The following MAPK15 variants were observed in gnomAD, a reference collection of about 807,000 sequenced individuals.
The protein encoded by MAPK15 is ERK-7.
In MAPK15, 61 loss-of-function variants were observed where a neutral mutation model predicts 60.8. The observed-to-expected ratio is 1.00, with a 90% CI of 0.82 to 1.24. The LOEUF is 1.24. Among genes scored for constraint, MAPK15 ranks in the 50% most tolerant of loss-of-function variants. The pLI is 0.00. For missense variants in MAPK15, 808 were observed against 741.1 expected, an observed-to-expected ratio of 1.09 and a Z score of -1.05; for synonymous variants, 356 against 319.9, an observed-to-expected ratio of 1.11 and a Z score of -1.21.
At position 143,720,952 on chromosome 8, in the gene MAPK15, G is replaced by A; in HGVS notation, c.918-48G>A. 6.3e-7 allele frequency: 1 copy of A among 1,581,794 alleles called. No homozygotes were observed. Among genetic ancestry groups the A allele is most frequent in the Non-Finnish European group, 8.6e-7 (1 of 1,163,286 alleles). Reference sequence around the variant, plus strand: ...AGGGACCCTGCTGTGACGGCTTGAGGGGCTCCCTTGGCCGCAGCCCGGGCC... The same window carrying A: ...AGGGACCCTGCTGTGACGGCTTGAGAGGCTCCCTTGGCCGCAGCCCGGGCC... On this transcript the variant is annotated intron_variant, in intron 9 of 13. Coordinates refer to ENST00000338033, the MANE Select transcript of MAPK15 (RefSeq NM_139021.3). The surrounding 1 kb of genome is among the most constrained non-coding windows in gnomAD (Gnocchi z 4.6).
At position 143,717,638 on chromosome 8, in the gene MAPK15, G is replaced by C; in HGVS notation, c.67-56G>C. ...GCCTCATGTCTGTAGGGACAATCTG[G>C]GTGGGCAGGGGATGGGGGGAAGGGG... On this transcript the variant is annotated intron_variant, in intron 1 of 13. Coordinates refer to ENST00000338033, the MANE Select transcript of MAPK15 (RefSeq NM_139021.3). 3 of 1,420,380 alleles carry C rather than the reference G, an allele frequency of 2.1e-6. 1 individual carries two copies. In the South Asian group the frequency reaches 3.7e-5, roughly 17 times the overall value. 88.0% of individuals were successfully genotyped at this position (1,420,380 alleles called of 1,614,324 possible). A position where few individuals can be genotyped will look rare whatever the true frequency, so the allele number is the denominator to read the frequency against.
Position 143,720,081 on chromosome 8 carries a change from G to A in MAPK15, c.722-149G>A. On this transcript the variant is annotated intron_variant, in intron 7 of 13. Coordinates refer to ENST00000338033, the MANE Select transcript of MAPK15 (RefSeq NM_139021.3). This position sits in a 1 kb window ranked among gnomAD's most constrained non-coding sequence, Gnocchi z 4.6. ...TGCACAGGCTGGGTGGCACGCCCTG[G>A]TGATGGGGTGTTTGAGCCCCGCCAG... is the stretch of plus-strand genomic sequence containing the variant. 8.5e-7 allele frequency: 1 copy of A among 1,171,840 alleles called. No individual in the cohort carries two copies. The allele number at this position is 1,171,840 out of a possible 1,614,324, so 72.6% of individuals were successfully genotyped here. A position where few individuals can be genotyped will look rare whatever the true frequency, so the allele number is the denominator to read the frequency against.
intron 7 of MAPK15, 89 bp downstream of exon 7, chr8:143,719,571 GT>G: frequency 6.7e-7 from 1 of 1,482,062 alleles, no homozygotes; most frequent in East Asian, 2.4e-5. Context: ...GGCTAGGACT[GT>G]GCTGAGAGGA....
intron 13 of MAPK15, 70 bp downstream of exon 13, chr8:143,721,950 C>T: frequency 2.6e-6 from 4 of 1,512,464 alleles, no homozygotes; most frequent in East Asian, 2.3e-5. Context: ...CCTGCTTTTC[C>T]CTCCCTTCCC....
At chr8:143,718,727 G>GGGCCCCCCCCCCCCCCC in intron 4 of MAPK15, 48 bp from the exon 5 acceptor site, 3 of 514,508 alleles carry the variant, frequency 5.8e-6, no homozygotes, top group East Asian at 3.3e-5. Context: ...CCCCCAGGTT[G>GGGCCCCCCCCCCCCCCC]CCCCCCCAGC....
intron 13 of MAPK15, 60 bp downstream of exon 13, chr8:143,721,940 C>G (rs1391482586): frequency 3.9e-6 from 6 of 1,520,086 alleles, no homozygotes; most frequent in South Asian, 3.8e-5. Flanking sequence ...CCCCTTCCCC[C>G]CTGCTTTTCC....
At position 143,721,834 on chromosome 8, in the gene MAPK15, G is replaced by A; in HGVS notation, c.1412G>A (p.Gly471Asp). ...AQVANQALIR[G>D]DWNRGGGVRV... ...GTGGCCAACCAGGCCCTGATCCGGG[G>A]TGACTGGAACCGGGGCGGTGGGGTG... The change falls in exon 13 of 14, where the codon GGT becomes GAT. Residue 471 changes from glycine to aspartate, a missense_variant. By Grantham distance (94) the Gly-to-Asp change is moderately conservative. Coordinates refer to ENST00000338033, the MANE Select transcript of MAPK15 (RefSeq NM_139021.3). 1.2e-6 allele frequency: 2 copies of A among 1,610,506 alleles called. No individual in the cohort carries two copies. The highest frequency in any genetic ancestry group is 1.7e-6 in the Non-Finnish European group (2 of 1,178,606).
In MAPK15 at chr8:143,720,732, C is replaced by T. The variant is rs782408799; in HGVS notation, c.809C>T (p.Pro270Leu). ...CGACAGACGCTGGATGCCCTCCTACCGCCAGACACCTCCCCAGAGGCCTTG... is the reference window on the plus strand; with the variant it reads ...CGACAGACGCTGGATGCCCTCCTACTGCCAGACACCTCCCCAGAGGCCTTG... ...RPRQTLDALL[P>L]PDTSPEALDL... Residue 270 changes from proline (P) to leucine (L), a missense_variant, in exon 9 of 14, where the codon CCG becomes CTG. Coordinates refer to ENST00000338033, the MANE Select transcript of MAPK15 (RefSeq NM_139021.3). This position sits in a 1 kb window ranked among gnomAD's most constrained non-coding sequence, Gnocchi z 4.6. The T allele has an allele frequency of 1.8e-5, 29 of 1,613,116 alleles. No individual in the cohort carries two copies. The Middle Eastern group carries it at 5.0e-4, about 28-fold the overall frequency.
Position 143,722,145 on chromosome 8 carries a change from C to T in MAPK15, c.1529C>T (p.Ala510Val). The T allele has an allele frequency of 6.2e-7, 1 of 1,611,682 alleles. No homozygotes were observed. Among genetic ancestry groups the T allele is most frequent in the South Asian group, 1.1e-5 (1 of 90,968 alleles). ...RMFSTSALQGAQGGARALLGG... is the reference protein window; with the variant it reads ...RMFSTSALQGVQGGARALLGG... ...TTCAGCACCTCTGCCTTGCAGGGTG[C>T]CCAGGGGGGTGCCAGGGCTTTGCTT... is the stretch of plus-strand genomic sequence containing the variant. The change falls in exon 14 of 14, where the codon GCC becomes GTC. Residue 510 changes from alanine (A) to valine (V), a missense_variant. By Grantham distance (64) the Ala-to-Val change is moderately conservative (BLOSUM62 0). Coordinates refer to ENST00000338033, the MANE Select transcript of MAPK15 (RefSeq NM_139021.3).
At position 143,720,529 on chromosome 8, in the gene MAPK15, G is replaced by A; in HGVS notation, c.780-174G>A. On this transcript the variant is annotated intron_variant, in intron 8 of 13. Transcript: ENST00000338033. This position sits in a 1 kb window ranked among gnomAD's most constrained non-coding sequence, Gnocchi z 4.6. ...AGAGGAGGGCACCAGGGGGCCGCAG[G>A]GGTCTCTCCACCCTGCAGGGGCCCA... 2.1e-6 allele frequency: 3 copies of A among 1,455,372 alleles called. No individual in the cohort carries two copies. The highest frequency in any genetic ancestry group is 2.7e-6 in the Non-Finnish European group (3 of 1,100,922). The allele number at this position is 1,455,372 out of a possible 1,614,324, so 90.2% of individuals were successfully genotyped here. A position where few individuals can be genotyped will look rare whatever the true frequency, so the allele number is the denominator to read the frequency against.
intron 6 of MAPK15, 46 bp downstream of exon 6, chr8:143,719,202 C>A: frequency 6.7e-7 from 1 of 1,501,662 alleles, no homozygotes; most frequent in South Asian, 1.3e-5. Context: ...CCCTGCTGCC[C>A]TCCTGCCCAG....
In MAPK15 at chr8:143,720,192, C is replaced by A; in HGVS notation, c.722-38C>A. The A allele has an allele frequency of 6.5e-7, 1 of 1,549,282 alleles. No individual in the cohort carries two copies. ...GATGCCCTGAGCCGCCCCAGCCGAC[C>A]AGGCCTGCCTGGGTCACACCACCTT... On this transcript the variant is annotated intron_variant, in intron 7 of 13. Transcript: ENST00000338033. The surrounding 1 kb of genome is among the most constrained non-coding windows in gnomAD (Gnocchi z 4.6).
rs1238996232 is a variant in MAPK15 at position 143,722,390 on chromosome 8, C to CG, written c.*144dup. 1.6e-4 allele frequency: 112 copies of CG among 721,994 alleles called. No individual in the cohort carries two copies. In the African/African-American group the frequency reaches 1.9e-3, roughly 12 times the overall value. The allele number at this position is 721,994 out of a possible 1,614,324, so 44.7% of individuals were successfully genotyped here. ...TCCAGGGAGCTTGCCCGGGTCTCCT[C>CG]GGGGGAGCAGATGAGGGCCCTGCCC... On this transcript the variant is annotated 3_prime_UTR_variant, in exon 14 of 14. Coordinates refer to ENST00000338033, the MANE Select transcript of MAPK15 (RefSeq NM_139021.3).
Position 143,720,585 on chromosome 8 carries a change from T to C in MAPK15, c.780-118T>C. ...CCTGCAGGTCAGGCACAGGGGCATC[T>C]ACCTAGACAGGACAGCAGGGTGGAC... is the stretch of plus-strand genomic sequence containing the variant. On this transcript the variant is annotated intron_variant, in intron 8 of 13. Transcript: ENST00000338033. The surrounding 1 kb of genome is among the most constrained non-coding windows in gnomAD (Gnocchi z 4.6). The C allele has an allele frequency of 6.7e-7, 1 of 1,487,270 alleles. No individual in the cohort carries two copies. The highest frequency in any genetic ancestry group is 9.0e-7 in the Non-Finnish European group (1 of 1,114,336). 92.1% of individuals were successfully genotyped at this position (1,487,270 alleles called of 1,614,324 possible). A position where few individuals can be genotyped will look rare whatever the true frequency, so the allele number is the denominator to read the frequency against.
intron 1 of MAPK15, 59 bp downstream of exon 1, chr8:143,716,502 A>C: frequency 6.6e-7 from 1 of 1,505,316 alleles, no homozygotes; most frequent in Non-Finnish European, 9.0e-7. Context: ...CGGAGAGAGG[A>C]CCTGCGGGGC....
chr8:143,719,767 G>A (rs557569447), intron 7 of MAPK15, among the ~76,000 whole-genome samples: 1 of 152,170 alleles, frequency 6.6e-6, no homozygotes, highest in Non-Finnish European at 1.5e-5. Context: ...CAAGGGATTC[G>A]GGTAGCAGGG....
intron 4 of MAPK15, 140 bp from the exon 5 acceptor site, chr8:143,718,635 T>C: frequency 1.4e-6 from 1 of 717,724 alleles, no homozygotes; most frequent in Non-Finnish European, 2.3e-6. Context: ...CCACAGGCAG[T>C]GCACAGGATG....
At chr8:143,716,516 G>A in intron 1 of MAPK15, 73 bp downstream of exon 1, 1 of 1,444,640 alleles carries the variant, frequency 6.9e-7, no homozygotes, top group Non-Finnish European at 9.4e-7. Context: ...GCGGGGCGCG[G>A]CCGGTCCCCT....
chr8:143,717,769 T>A lies in MAPK15; in HGVS notation c.142T>A (p.Phe48Ile), dbSNP rs1303501721. The change falls in exon 2 of 14, where the codon TTT becomes ATT. Residue 48 changes from phenylalanine to isoleucine, a missense_variant. Coordinates refer to ENST00000338033, the MANE Select transcript of MAPK15 (RefSeq NM_139021.3). ...GGCCATCAAGAAAATCTTTGATGCTTTTAGGGATAAGACAGATGCCCAGGT... is the reference window on the plus strand; with the variant it reads ...GGCCATCAAGAAAATCTTTGATGCTATTAGGGATAAGACAGATGCCCAGGT... ...VVAIKKIFDA[F>I]RDKTDAQRTF... 3 of 1,611,822 alleles carry A rather than the reference T, an allele frequency of 1.9e-6. No individual in the cohort carries two copies. Among genetic ancestry groups the A allele is most frequent in the Admixed American group, 3.4e-5 (2 of 59,612 alleles).
Sources: allele counts gnomAD v4.1 joint callset (sites outside exome capture counted in the v4.1 genomes callset), GRCh38; gene constraint gnomAD v4.1.1; non-coding constraint Gnocchi (gnomAD v3.1); transcripts MANE v1.5; gene names NCBI Gene and HGNC (gene_info 2026-07-23, HGNC 2026-07-21).